The following SLC9B1 variants were observed in gnomAD, a reference collection of about 807,000 sequenced individuals.
The protein encoded by SLC9B1 is sodium/hydrogen exchanger 9B1.
A neutral mutation model predicts 51.7 loss-of-function variants in SLC9B1; 32 were observed. The ratio of observed to expected loss-of-function variants is 0.62; its 90% CI spans 0.47 to 0.83. The LOEUF (loss-of-function observed/expected upper bound fraction) is 0.83, where lower values mean the gene tolerates loss of function less well. Among genes scored for constraint, SLC9B1 ranks in the 40% least tolerant of loss-of-function variants. The pLI is 0.00. For synonymous variants in SLC9B1, 145 were observed against 212.7 expected, an observed-to-expected ratio of 0.68 and a Z score of 2.77; for missense variants, 406 against 613.2, an observed-to-expected ratio of 0.66 and a Z score of 3.57.
At chr4:102,970,609 A>T (rs1436317632) in intron 3 of SLC9B1, among the ~76,000 whole-genome samples, 1 of 152,188 alleles carries the variant, frequency 6.6e-6, no homozygotes, top group Non-Finnish European at 1.5e-5. Context: ...CTAACATCAT[A>T]ATGACAGGAT....
intron 3 of SLC9B1, among the ~76,000 whole-genome samples, chr4:102,951,102 G>C (rs1489221694): frequency 1.3e-5 from 2 of 152,164 alleles, no homozygotes; most frequent in African/African-American, 4.8e-5. Context: ...GTCTTAGCTG[G>C]TCTCTGGGTG....
At chr4:102,917,876 C>T (rs138122365) in intron 7 of SLC9B1, among the ~76,000 whole-genome samples, 1 of 151,786 alleles carries the variant, frequency 6.6e-6, no homozygotes, top group East Asian at 1.9e-4. Flanking sequence ...TTGAGACCAG[C>T]CTGAGCAACA....
At chr4:103,010,340 T>C (rs1741029995) in intron 1 of SLC9B1, among the ~76,000 whole-genome samples, 3 of 152,130 alleles carry the variant, frequency 2.0e-5, no homozygotes, top group South Asian at 4.2e-4. Flanking sequence ...GGGACGCAAA[T>C]GGGTGGCAGA....
chr4:102,905,425 A>G (rs1734996939), intron 11 of SLC9B1, 89 bp downstream of exon 11: 1 of 1,295,656 alleles, frequency 7.7e-7, no homozygotes, highest in African/African-American at 1.5e-5. Context: ...ATAATAGCTC[A>G]TATTTTGTGA....
chr4:102,958,236 T>C (rs1216512588), intron 3 of SLC9B1, among the ~76,000 whole-genome samples: 3 of 152,200 alleles, frequency 2.0e-5, no homozygotes. Context: ...GGACAGTGAG[T>C]AAATTCTTGT....
intron 3 of SLC9B1, among the ~76,000 whole-genome samples, chr4:102,979,497 T>A (rs1393593228): frequency 6.6e-6 from 1 of 152,154 alleles, no homozygotes; most frequent in African/African-American, 2.4e-5. Context: ...TCCTCATAGT[T>A]AACTGCGTAC....
At chr4:102,974,110 G>T (rs999624540) in intron 3 of SLC9B1, among the ~76,000 whole-genome samples, 5 of 151,760 alleles carry the variant, frequency 3.3e-5, no homozygotes, top group African/African-American at 1.2e-4. Context: ...GGTGGCAGGT[G>T]CCTATAATCC....
At chr4:102,986,753 C>T (rs964561377) in intron 3 of SLC9B1, among the ~76,000 whole-genome samples, 2 of 152,254 alleles carry the variant, frequency 1.3e-5, no homozygotes, top group East Asian at 1.9e-4. Context: ...CTTTGTCCAG[C>T]CTACTAATAA....
At chr4:102,904,655 G>C (rs1013205273) in intron 11 of SLC9B1, among the ~76,000 whole-genome samples, 6 of 151,786 alleles carry the variant, frequency 4.0e-5, no homozygotes, top group African/African-American at 9.7e-5. Context: ...ACCAGCCTGG[G>C]CAACATAGCA....
At chr4:103,014,575 C>T (rs765299605) in intron 1 of SLC9B1, among the ~76,000 whole-genome samples, 6 of 152,140 alleles carry the variant, frequency 3.9e-5, no homozygotes, top group Non-Finnish European at 7.4e-5. Context: ...ATCTATTTCC[C>T]TACTAAATTA....
At chr4:102,885,495 C>A (rs541439991) in intron 11 of SLC9B1, 76 of 1,250,560 alleles carry the variant, frequency 6.1e-5, no homozygotes, top group Non-Finnish European at 8.5e-5. Context: ...CCTCTTAAAT[C>A]CCCAGTTTTG....
At chr4:102,927,537 G>A (rs529293203) in intron 7 of SLC9B1, among the ~76,000 whole-genome samples, 14 of 152,206 alleles carry the variant, frequency 9.2e-5, no homozygotes, top group African/African-American at 2.4e-4. Context: ...ATCATCTCAT[G>A]CCAGTTAGAA....
chr4:102,924,197 G>A (rs577263562), intron 7 of SLC9B1, among the ~76,000 whole-genome samples: 363 of 152,164 alleles, frequency 2.4e-3, no homozygotes, highest in Non-Finnish European at 3.5e-3. Flanking sequence ...TGGTACTGGT[G>A]CCAAAGCAGA....
intron 6 of SLC9B1, among the ~76,000 whole-genome samples, chr4:102,940,959 T>C (rs1736965118): frequency 6.6e-6 from 1 of 152,128 alleles, no homozygotes; most frequent in Non-Finnish European, 1.5e-5. Context: ...CGTTTCACCG[T>C]TTACAAAAAT....
At chr4:102,971,220 T>C (rs1356225994) in intron 3 of SLC9B1, among the ~76,000 whole-genome samples, 11 of 152,134 alleles carry the variant, frequency 7.2e-5, no homozygotes, top group East Asian at 1.9e-4. Context: ...TATTCCAAAA[T>C]TGACCACCTA....
chr4:102,999,697 G>T (rs1740418437), intron 1 of SLC9B1, among the ~76,000 whole-genome samples: 1 of 152,140 alleles, frequency 6.6e-6, no homozygotes, highest in African/African-American at 2.4e-5. Context: ...TGATAGCTTT[G>T]TAATGCTCAG....
At chr4:102,905,395 C>T in intron 11 of SLC9B1, 119 bp downstream of exon 11, 1 of 1,067,080 alleles carries the variant, frequency 9.4e-7, no homozygotes, top group Non-Finnish European at 1.4e-6. Flanking sequence ...TATGATCAAT[C>T]AAACATTTAA....
chr4:102,955,737 C>G (rs181104404), intron 3 of SLC9B1, among the ~76,000 whole-genome samples: 1,528 of 150,912 alleles, frequency 0.01, 8 homozygotes, highest in Middle Eastern at 0.031. Flanking sequence ...ACCTGTGTAA[C>G]AAAGCTGCAC....
chr4:102,969,927 G>A (rs953876044), intron 3 of SLC9B1, among the ~76,000 whole-genome samples: 3 of 151,930 alleles, frequency 2.0e-5, no homozygotes, highest in Non-Finnish European at 2.9e-5. Flanking sequence ...AGTGAGAAGG[G>A]AAGTTTAGAG....
Sources: allele counts gnomAD v4.1 joint callset (sites outside exome capture counted in the v4.1 genomes callset), GRCh38; gene constraint gnomAD v4.1.1; transcripts MANE v1.5; gene names NCBI Gene and HGNC (gene_info 2026-07-23, HGNC 2026-07-21).